Variants in FREM2 observed in about 807,000 individuals in gnomAD.
The protein encoded by FREM2 is FRAS1 related extracellular matrix 2, also known as FRAS1-related extracellular matrix protein 2.
FREM2 carries 119 observed loss-of-function variants against 219.9 expected under a neutral mutation model. The observed-to-expected ratio is 0.54, with a 90% CI of 0.47 to 0.63. The LOEUF (loss-of-function observed/expected upper bound fraction) is 0.63. Among genes scored for constraint, FREM2 ranks in the 30% least tolerant of loss-of-function variants. The pLI, the probability that FREM2 is intolerant of heterozygous loss-of-function variation, is 0.00. For missense variants in FREM2, 4,030 were observed against 3,993.6 expected (o/e 1.01, Z -0.25); for synonymous variants, 1,562 against 1,522.8 (o/e 1.03, Z -0.60).
rs12429720 is a variant in FREM2, at chr13:38,696,276, C to T, written c.5174-1422C>T. On this transcript the variant is annotated intron_variant, in intron 1 of 23. Coordinates refer to ENST00000280481, the MANE Select transcript of FREM2 (RefSeq NM_207361.6). ...TCTGCAAGTGTTCCTAATAATGAGT[C>T]ACCTTTCAAAACTTTATGAGCCAGG... 5.5e-3 allele frequency among the ~76,000 whole-genome samples: 831 copies of T among 152,270 alleles called. 3 individuals carry two copies. The highest frequency in any genetic ancestry group is 7.6e-3 in the Admixed American group (117 of 15,298).
At chr13:38,711,917 T>C (rs1347049447) in intron 2 of FREM2, among the ~76,000 whole-genome samples, 5 of 145,734 alleles carry the variant, frequency 3.4e-5, no homozygotes, top group South Asian at 4.5e-4. Context: ...TAATTTCTTT[T>C]TTTTTTTTTT....
At chr13:38,829,039 A>G (rs1170601083) in intron 6 of FREM2, among the ~76,000 whole-genome samples, 1 of 152,164 alleles carries the variant, frequency 6.6e-6, no homozygotes, top group African/African-American at 2.4e-5. Context: ...CACTGCTATA[A>G]GCATGTTATA....
At chr13:38,745,909 G>A (rs780848008) in intron 2 of FREM2, among the ~76,000 whole-genome samples, 43 of 152,196 alleles carry the variant, frequency 2.8e-4, no homozygotes, top group Admixed American at 1.8e-3. Flanking sequence ...TCACAGCCAG[G>A]CCTCTGTTTT....
chr13:38,839,821 G>A (rs901177402), intron 6 of FREM2, among the ~76,000 whole-genome samples: 8 of 152,142 alleles, frequency 5.3e-5, no homozygotes, highest in Non-Finnish European at 1.2e-4. Flanking sequence ...AAGCTCAAGT[G>A]TCCCAGGTTG....
At chr13:38,798,726 T>C (rs1340607381) in intron 6 of FREM2, among the ~76,000 whole-genome samples, 1 of 152,104 alleles carries the variant, frequency 6.6e-6, no homozygotes, top group Non-Finnish European at 1.5e-5. Context: ...TTTATCCATT[T>C]CCTCTAGGTT....
rs1190522787 is a variant in FREM2 at position 38,885,560 on chromosome 13, C to T, written c.*4773C>T. ...TTTCTGAGATGTATTTTTCATTCTTCCAATAATGCTCTCTTTTTCATTTCA... is the reference window on the plus strand; with the variant it reads ...TTTCTGAGATGTATTTTTCATTCTTTCAATAATGCTCTCTTTTTCATTTCA... On this transcript the variant is annotated 3_prime_UTR_variant, in exon 24 of 24. Transcript: ENST00000280481. 6.6e-6 allele frequency: 1 copy of T among 152,046 alleles called. No homozygotes were observed. Among genetic ancestry groups the T allele is most frequent in the African/African-American group, 2.4e-5 (1 of 41,486 alleles). 9.4% of individuals were successfully genotyped at this position (152,046 alleles called of 1,614,324 possible).
At chr13:38,746,198 C>T (rs1447897211) in intron 2 of FREM2, among the ~76,000 whole-genome samples, 2 of 152,144 alleles carry the variant, frequency 1.3e-5, no homozygotes, top group African/African-American at 4.8e-5. Context: ...GGCTCGATAA[C>T]TGTGAACTCT....
intron 6 of FREM2, among the ~76,000 whole-genome samples, chr13:38,793,498 C>T (rs959486727): frequency 4.6e-5 from 7 of 152,110 alleles, no homozygotes; most frequent in Non-Finnish European, 1.0e-4. Context: ...AAAACTAGAG[C>T]TCAAATGAGT....
chr13:38,688,936 A>G lies in FREM2; in HGVS notation c.1592A>G (p.Asn531Ser), dbSNP rs762624720. 4.3e-6 allele frequency: 7 copies of G among 1,613,086 alleles called. No homozygotes were observed. The highest frequency in any genetic ancestry group is 2.2e-5 in the East Asian group (1 of 44,826). Reference protein sequence around the residue: ...HDDRDGSLSDNLVLRMVDGGG... With the variant: ...HDDRDGSLSDSLVLRMVDGGG... ...GACAGAGACGGCTCGCTGAGCGACA[A>G]CCTGGTGCTTCGCATGGTGGATGGA... Residue 531 changes from asparagine (N) to serine (S), a missense_variant, in exon 1 of 24, where the codon AAC becomes AGC. By Grantham distance (46) the Asn-to-Ser change is conservative (BLOSUM62 1). Transcript: ENST00000280481.
intron 15 of FREM2, among the ~76,000 whole-genome samples, chr13:38,862,782 A>G (rs148077154): frequency 6.6e-6 from 1 of 151,852 alleles, no homozygotes; most frequent in Non-Finnish European, 1.5e-5. Context: ...TAGGTTTTAT[A>G]TTTTTAAATG....
chr13:38,716,347 C>T lies in FREM2; in HGVS notation c.5263+18560C>T, dbSNP rs1871000294. ...GTACTTATGCAAAATTCGAATCAGC[C>T]TGCATCCAGCTTTCCCACACCCCAG... On this transcript the variant is annotated intron_variant, in intron 2 of 23. Transcript: ENST00000280481. Among the ~76,000 whole-genome samples the T allele has an allele frequency of 3.9e-5, 6 of 152,160 alleles. 1 individual carries two copies. The South Asian group carries it at 1.2e-3, about 32-fold the overall frequency.
chr13:38,793,725 A>G (rs1036724022), intron 6 of FREM2, among the ~76,000 whole-genome samples: 1 of 152,242 alleles, frequency 6.6e-6, no homozygotes, highest in African/African-American at 2.4e-5. Flanking sequence ...TTGGAGCAAC[A>G]CAGGTGATCG....
At chr13:38,821,666 C>T (rs1055848499) in intron 6 of FREM2, 3 of 152,092 alleles carry the variant, frequency 2.0e-5, no homozygotes, top group Non-Finnish European at 2.9e-5. Context: ...TCTCATGTTT[C>T]CAGATGCTGT....
chr13:38,780,695 A>G (rs990613790), intron 4 of FREM2, among the ~76,000 whole-genome samples: 5 of 152,162 alleles, frequency 3.3e-5, no homozygotes, highest in African/African-American at 1.2e-4. Flanking sequence ...GCCAAAGACA[A>G]CTTTTTTGGC....
rs780716822 is a variant in FREM2 at position 38,880,735 on chromosome 13, G to A, written c.9458G>A (p.Ser3153Asn). The A allele has an allele frequency of 1.2e-6, 2 of 1,614,202 alleles. No homozygotes were observed. Among genetic ancestry groups the A allele is most frequent in the Non-Finnish European group, 1.7e-6 (2 of 1,180,040 alleles). Residue 3153 changes from serine (S) to asparagine (N), a missense_variant, in exon 24 of 24, where the codon AGT (serine) becomes AAT (asparagine). Coordinates refer to ENST00000280481, the MANE Select transcript of FREM2 (RefSeq NM_207361.6). Reference protein sequence around the residue: ...GKDAPKGSSSSEPMVPPQSHH... With the variant: ...GKDAPKGSSSNEPMVPPQSHH... ...GATGCCCCGAAAGGCTCCAGCAGCAGTGAGCCCATGGTGCCCCCACAGAGC... is the reference window on the plus strand; with the variant it reads ...GATGCCCCGAAAGGCTCCAGCAGCAATGAGCCCATGGTGCCCCCACAGAGC...
At chr13:38,865,691 C>T (rs577636153) in intron 16 of FREM2, among the ~76,000 whole-genome samples, 2 of 152,118 alleles carry the variant, frequency 1.3e-5, no homozygotes, top group Non-Finnish European at 2.9e-5. Flanking sequence ...TGAGACATGA[C>T]CATAGCCACC....
chr13:38,787,753 T>C (rs970246817), intron 6 of FREM2, among the ~76,000 whole-genome samples: 5 of 148,972 alleles, frequency 3.4e-5, no homozygotes, highest in Non-Finnish European at 6.0e-5. Context: ...AATGTTATTA[T>C]TTATTATTTA....
chr13:38,782,129 T>C (rs938947284), intron 4 of FREM2, among the ~76,000 whole-genome samples: 6 of 152,204 alleles, frequency 3.9e-5, no homozygotes, highest in Non-Finnish European at 8.8e-5. Flanking sequence ...CCTCCAAGGC[T>C]GTATCTGCTG....
intron 6 of FREM2, among the ~76,000 whole-genome samples, chr13:38,840,076 CT>C (rs1212732103): frequency 1.3e-5 from 2 of 152,284 alleles, no homozygotes; most frequent in South Asian, 4.1e-4. Context: ...ACTCAGGGCC[CT>C]GGTGGTATAG....
Sources: allele counts gnomAD v4.1 joint callset (sites outside exome capture counted in the v4.1 genomes callset), GRCh38; gene constraint gnomAD v4.1.1; transcripts MANE v1.5; gene names NCBI Gene and HGNC (gene_info 2026-07-23, HGNC 2026-07-21).